PARD3B: variants seen among roughly 807,000 people sequenced by gnomAD.
PARD3B encodes the protein par-3 family cell polarity regulator beta.
In PARD3B, 103 loss-of-function variants were observed where a neutral mutation model predicts 130.2. The observed-to-expected ratio is 0.79, with a 90% CI of 0.67 to 0.93. The LOEUF (loss-of-function observed/expected upper bound fraction) is 0.93. Among genes scored for constraint, PARD3B ranks in the 40% least tolerant of loss-of-function variants. PARD3B has a pLI of 0.00. For missense variants in PARD3B, 1,609 were observed against 1,499.2 expected (o/e 1.07, Z -1.21); for synonymous variants, 583 against 553.2 (o/e 1.05, Z -0.76).
At chr2:204,681,505 A>T (rs2036833181) in intron 1 of PARD3B, among the ~76,000 whole-genome samples, 1 of 152,122 alleles carries the variant, frequency 6.6e-6, no homozygotes, top group Non-Finnish European at 1.5e-5. Context: ...TGGTTGATCT[A>T]TTTTAGGAAG....
intron 6 of PARD3B, among the ~76,000 whole-genome samples, chr2:205,117,188 A>G (rs1255462696): frequency 6.6e-6 from 1 of 152,188 alleles, no homozygotes; most frequent in African/African-American, 2.4e-5. Context: ...AAAACCCATA[A>G]GTTTTATCTA....
chr2:205,301,405 C>G lies in PARD3B; in HGVS notation c.2393-59C>G, dbSNP rs546688394. 1.9e-6 allele frequency: 3 copies of G among 1,557,630 alleles called. No homozygotes were observed. The South Asian group carries it at 3.7e-5, about 19-fold the overall frequency. ...TTGCATTTTACATGTTAGCGTTTCT[C>G]TGTATACTAACTGAGTGTGCCCCTG... On this transcript the variant is annotated intron_variant, in intron 17 of 22. Coordinates refer to ENST00000406610, the MANE Select transcript of PARD3B (RefSeq NM_001302769.2). This position sits in a 1 kb window ranked among gnomAD's most constrained non-coding sequence, Gnocchi z 5.2.
chr2:205,376,126 T>C (rs1269864762), intron 18 of PARD3B, among the ~76,000 whole-genome samples: 3 of 152,176 alleles, frequency 2.0e-5, no homozygotes, highest in African/African-American at 7.2e-5. Context: ...GATTATCCCA[T>C]TTAACTTTCC....
chr2:204,994,526 T>C (rs2125251720), intron 3 of PARD3B, among the ~76,000 whole-genome samples: 1 of 138,722 alleles, frequency 7.2e-6, no homozygotes, highest in East Asian at 2.1e-4. Context: ...GGAATAGGTG[T>C]GGTGTGGTGC....
intron 2 of PARD3B, among the ~76,000 whole-genome samples, chr2:204,963,421 A>C (rs1690926716): frequency 6.6e-6 from 1 of 152,168 alleles, no homozygotes; most frequent in Non-Finnish European, 1.5e-5. Context: ...ATATCATATG[A>C]AAGAAGAGTA....
intron 10 of PARD3B, among the ~76,000 whole-genome samples, chr2:205,153,753 C>T (rs1229039214): frequency 6.6e-6 from 1 of 152,134 alleles, no homozygotes; most frequent in Non-Finnish European, 1.5e-5. Context: ...ACATCCGTAA[C>T]CATCTGATCT....
At chr2:205,109,410 T>G (rs1372605704) in intron 5 of PARD3B, among the ~76,000 whole-genome samples, 1 of 152,176 alleles carries the variant, frequency 6.6e-6, no homozygotes. Flanking sequence ...AACGTGTTCC[T>G]CAATCCTGCA....
At chr2:204,599,884 A>T (rs1446682938) in intron 1 of PARD3B, among the ~76,000 whole-genome samples, 1 of 151,788 alleles carries the variant, frequency 6.6e-6, no homozygotes, top group Non-Finnish European at 1.5e-5. Context: ...TAGCCATTCT[A>T]ACTGGGGTGA....
At position 204,983,887 on chromosome 2, in the gene PARD3B, G is replaced by A. The variant is rs151040237; in HGVS notation, c.394+18564G>A. ...TAACTGACTCTAACCCCTTCTTTGG[G>A]TCTTCGTTTCCTTATGAGGGCTCCT... On this transcript the variant is annotated intron_variant, in intron 3 of 22. Transcript: ENST00000406610. Among the ~76,000 whole-genome samples, 114 of 152,078 alleles carry A rather than the reference G, an allele frequency of 7.5e-4. No homozygotes were observed. The East Asian group carries it at 0.017, about 22-fold the overall frequency.
In PARD3B at chr2:205,615,674, C is replaced by CGCCT; in HGVS notation, c.3480_3483dup (p.Ser1162AlafsTer96). 1 of 1,614,092 alleles carries CGCCT rather than the reference C, an allele frequency of 6.2e-7. No homozygotes were observed. Among genetic ancestry groups the CGCCT allele is most frequent in the Admixed American group, 1.7e-5 (1 of 60,014 alleles). ...AAAGGACCCTTTCGACAAGACGTTC[C>CGCCT]GCCTTCCCCTCCCCAGCACCAAAGA... On this transcript the variant is annotated frameshift_variant, in exon 23 of 23. Transcript: ENST00000406610. LOFTEE classifies it high-confidence loss of function.
intron 15 of PARD3B, among the ~76,000 whole-genome samples, chr2:205,210,291 A>G (rs571514224): frequency 1.3e-5 from 2 of 152,182 alleles, no homozygotes; most frequent in African/African-American, 4.8e-5. Flanking sequence ...ATTCTCTTAT[A>G]TACCTACCTG....
chr2:205,127,142 C>CA (rs2031522470), intron 10 of PARD3B, among the ~76,000 whole-genome samples: 1 of 151,414 alleles, frequency 6.6e-6, no homozygotes, highest in African/African-American at 2.4e-5. Flanking sequence ...CTAAAAAATA[C>CA]AAAAAGTAGC....
chr2:205,600,759 G>A (rs2054752618), intron 22 of PARD3B, among the ~76,000 whole-genome samples: 1 of 152,142 alleles, frequency 6.6e-6, no homozygotes, highest in Non-Finnish European at 1.5e-5. Context: ...ACGGTGTTTG[G>A]TTTTCTGTTC....
At chr2:205,483,853 G>T (rs2015162) in intron 20 of PARD3B, among the ~76,000 whole-genome samples, 55,481 of 151,918 alleles carry the variant, frequency 0.37, 11,293 homozygotes, top group Middle Eastern at 0.59. Context: ...AGGGGGCAGT[G>T]GGCTTGTTTA....
intron 2 of PARD3B, among the ~76,000 whole-genome samples, chr2:204,762,794 C>T (rs1379046777): frequency 1.4e-5 from 2 of 143,986 alleles, no homozygotes; most frequent in East Asian, 2.0e-4. Flanking sequence ...GAGTTTCACT[C>T]TTGTTGCCCA....
chr2:204,745,495 C>T (rs187729063), intron 2 of PARD3B, among the ~76,000 whole-genome samples: 100 of 151,906 alleles, frequency 6.6e-4, no homozygotes, highest in African/African-American at 2.1e-3. Context: ...CTCTACCTCC[C>T]GGATTCAAGT....
chr2:205,401,252 G>C, intron 19 of PARD3B, 129 bp downstream of exon 19: 1 of 661,850 alleles, frequency 1.5e-6, no homozygotes, highest in Non-Finnish European at 2.5e-6. Context: ...GAAAGGAAAG[G>C]TGTCTGATAC....
intron 2 of PARD3B, among the ~76,000 whole-genome samples, chr2:204,866,975 A>G (rs2045445671): frequency 6.6e-6 from 1 of 152,116 alleles, no homozygotes; most frequent in Non-Finnish European, 1.5e-5. Flanking sequence ...AGGCTGAAGC[A>G]GGAGAATCTC....
At chr2:204,838,401 G>T (rs1352277496) in intron 2 of PARD3B, among the ~76,000 whole-genome samples, 1 of 150,112 alleles carries the variant, frequency 6.7e-6, no homozygotes, top group African/African-American at 2.5e-5. Context: ...CTTTAGTAGA[G>T]ACGGGGTTTT....
Sources: allele counts gnomAD v4.1 joint callset (sites outside exome capture counted in the v4.1 genomes callset), GRCh38; gene constraint gnomAD v4.1.1; non-coding constraint Gnocchi (gnomAD v3.1); transcripts MANE v1.5; gene names NCBI Gene and HGNC (gene_info 2026-07-23, HGNC 2026-07-21).